Variants in PRKG1 observed in about 807,000 individuals in gnomAD.
The protein encoded by PRKG1 is protein kinase cGMP-dependent 1, also known as cGMP-dependent protein kinase 1.
PRKG1 carries 35 observed loss-of-function variants against 88.1 expected under a neutral mutation model. That is an observed-to-expected ratio of 0.40 (90% CI 0.30 to 0.53). PRKG1 has a LOEUF of 0.53. Among genes scored for constraint, PRKG1 ranks in the 20% least tolerant of loss-of-function variants. PRKG1 has a pLI of 0.59. For synonymous variants in PRKG1, 303 were observed against 292.5 expected (o/e 1.04, Z -0.37); for missense variants, 540 against 839.8 (o/e 0.64, Z 4.41).
At chr10:51,277,861 G>A (rs1428034891) in intron 2 of PRKG1, among the ~76,000 whole-genome samples, 6 of 152,152 alleles carry the variant, frequency 3.9e-5, no homozygotes, top group Non-Finnish European at 8.8e-5. Context: ...GGGCTGAGAT[G>A]ATGGGGTTTT....
intron 9 of PRKG1, among the ~76,000 whole-genome samples, chr10:52,183,968 A>G (rs951255089): frequency 3.2e-4 from 49 of 152,134 alleles, no homozygotes; most frequent in African/African-American, 1.2e-3. Context: ...CTCCAGGTCA[A>G]TCCAATGTGT....
intron 4 of PRKG1, among the ~76,000 whole-genome samples, chr10:51,807,834 C>T (rs1437014202): frequency 6.6e-6 from 1 of 152,138 alleles, no homozygotes; most frequent in African/African-American, 2.4e-5. Context: ...GTCTCTATGA[C>T]TTGCTTTGGG....
intron 7 of PRKG1, among the ~76,000 whole-genome samples, chr10:52,107,406 T>A (rs549440315): frequency 6.6e-6 from 1 of 152,272 alleles, no homozygotes; most frequent in East Asian, 1.9e-4. Context: ...AAATTATTAA[T>A]TTAAATATTA....
At chr10:51,471,997 A>C (rs1256491274) in intron 3 of PRKG1, among the ~76,000 whole-genome samples, 1 of 151,884 alleles carries the variant, frequency 6.6e-6, no homozygotes, top group Non-Finnish European at 1.5e-5. Context: ...TTCTTTATTA[A>C]AATACTTCAT....
intron 2 of PRKG1, among the ~76,000 whole-genome samples, chr10:51,237,962 T>C (rs1251570326): frequency 6.6e-6 from 1 of 152,146 alleles, no homozygotes; most frequent in African/African-American, 2.4e-5. Context: ...CTATAGTATG[T>C]TTACATACTG....
At chr10:51,524,930 G>C (rs1303303924) in intron 3 of PRKG1, among the ~76,000 whole-genome samples, 29 of 152,130 alleles carry the variant, frequency 1.9e-4, no homozygotes, top group Admixed American at 1.9e-3. Flanking sequence ...TTTCAAGAAT[G>C]CCTATTTAAA....
At chr10:51,666,162 C>T (rs566123800) in intron 3 of PRKG1, among the ~76,000 whole-genome samples, 3 of 152,080 alleles carry the variant, frequency 2.0e-5, no homozygotes, top group East Asian at 1.9e-4. Context: ...TGGTGACATC[C>T]GTATTATGTG....
At chr10:51,051,109 T>C (rs951577725) in intron 1 of PRKG1, among the ~76,000 whole-genome samples, 7 of 152,144 alleles carry the variant, frequency 4.6e-5, no homozygotes, top group Admixed American at 1.3e-4. Context: ...GTTACGTAGG[T>C]TGCCTTTTTA....
At chr10:52,240,169 C>T (rs1299255522) in intron 9 of PRKG1, among the ~76,000 whole-genome samples, 1 of 152,146 alleles carries the variant, frequency 6.6e-6, no homozygotes, top group Non-Finnish European at 1.5e-5. Context: ...AGAATGACTA[C>T]ATTGGCAGGA....
intron 9 of PRKG1, among the ~76,000 whole-genome samples, chr10:52,181,744 C>A: frequency 1.2e-5 from 1 of 84,954 alleles, no homozygotes; most frequent in Non-Finnish European, 2.3e-5. Context: ...TCATCCATGT[C>A]CCTACAAAGG....
chr10:51,951,981 A>G (rs1240672281), intron 5 of PRKG1, among the ~76,000 whole-genome samples: 1 of 152,222 alleles, frequency 6.6e-6, no homozygotes, highest in African/African-American at 2.4e-5. Context: ...TAAAGGTGTT[A>G]TTGGAACCTT....
At chr10:52,171,189 T>C (rs919643836) in intron 9 of PRKG1, among the ~76,000 whole-genome samples, 9 of 151,824 alleles carry the variant, frequency 5.9e-5, no homozygotes, top group African/African-American at 2.2e-4. Context: ...ATTCTAGTAT[T>C]CCCATAATCT....
intron 2 of PRKG1, among the ~76,000 whole-genome samples, chr10:51,425,710 G>A (rs1161283117): frequency 1.3e-5 from 2 of 152,098 alleles, no homozygotes; most frequent in African/African-American, 4.8e-5. Context: ...TGGTTCAAAA[G>A]GCTTTCTGGA....
chr10:51,981,095 AGT>A (rs1451316445), intron 5 of PRKG1, among the ~76,000 whole-genome samples: 1 of 152,130 alleles, frequency 6.6e-6, no homozygotes, highest in African/African-American at 2.4e-5. Flanking sequence ...TGTGTACCTA[AGT>A]GTGTGTGTGT....
chr10:51,935,437 C>T (rs1194313030), intron 5 of PRKG1, among the ~76,000 whole-genome samples: 1 of 152,020 alleles, frequency 6.6e-6, no homozygotes, highest in Non-Finnish European at 1.5e-5. Context: ...AAACAGTTAC[C>T]GAACTCCTAC....
chr10:51,623,699 C>G (rs1345413038), intron 3 of PRKG1, among the ~76,000 whole-genome samples: 1 of 152,104 alleles, frequency 6.6e-6, no homozygotes, highest in East Asian at 1.9e-4. Flanking sequence ...ATGGAGTAGA[C>G]AAGTGGAAAC....
At chr10:52,213,991 T>C (rs1840048648) in intron 9 of PRKG1, among the ~76,000 whole-genome samples, 1 of 152,152 alleles carries the variant, frequency 6.6e-6, no homozygotes, top group Non-Finnish European at 1.5e-5. Flanking sequence ...AAAATGTATA[T>C]GTTTCAAAAT....
intron 2 of PRKG1, among the ~76,000 whole-genome samples, chr10:51,156,297 G>GCACGCACACACACACACACACA (rs1846209742): frequency 2.8e-5 from 1 of 35,134 alleles, no homozygotes; most frequent in Non-Finnish European, 5.5e-5. Context: ...TTTGATGCAA[G>GCACGCACACACACACACACACA]CACACACACA....
chr10:52,109,582 C>T (rs1847506675), intron 7 of PRKG1, among the ~76,000 whole-genome samples: 1 of 152,090 alleles, frequency 6.6e-6, no homozygotes, highest in Admixed American at 6.5e-5. Context: ...GCCTGGCCAA[C>T]ATAGTGACAC....
Sources: allele counts gnomAD v4.1 joint callset (sites outside exome capture counted in the v4.1 genomes callset), GRCh38; gene constraint gnomAD v4.1.1; transcripts MANE v1.5; gene names NCBI Gene and HGNC (gene_info 2026-07-23, HGNC 2026-07-21).